TMEM150C: variants seen among roughly 807,000 people sequenced by gnomAD.
The protein encoded by TMEM150C is transmembrane protein 150C.
TMEM150C carries 10 observed loss-of-function variants against 29.9 expected under a neutral mutation model. The observed-to-expected ratio is 0.33, with a 90% CI of 0.21 to 0.57. The LOEUF (loss-of-function observed/expected upper bound fraction) is 0.57. TMEM150C is among the 20% of genes least tolerant of loss of function. TMEM150C has a pLI of 0.88. For missense variants in TMEM150C, 251 were observed against 303.6 expected (o/e 0.83, Z 1.29); for synonymous variants, 101 against 112.5 (o/e 0.90, Z 0.64).
At chr4:82,561,719 G>A (rs1221929957) in intron 1 of TMEM150C, among the ~76,000 whole-genome samples, 187 bp downstream of exon 1, 1 of 147,086 alleles carries the variant, frequency 6.8e-6, no homozygotes, top group East Asian at 2.0e-4. Flanking sequence ...GGGCGGCCCC[G>A]CGCCCGGGAC....
chr4:82,538,422 G>A (rs1162726067), intron 1 of TMEM150C, among the ~76,000 whole-genome samples: 1 of 152,166 alleles, frequency 6.6e-6, no homozygotes, highest in Non-Finnish European at 1.5e-5. Context: ...ACAGAGGAAG[G>A]AGTAAGTTAT....
intron 1 of TMEM150C, among the ~76,000 whole-genome samples, chr4:82,510,272 C>T (rs764645969): frequency 6.6e-6 from 1 of 152,016 alleles, no homozygotes; most frequent in East Asian, 1.9e-4. Flanking sequence ...GAGCAAGACT[C>T]TATCTCAAAA....
At chr4:82,527,244 A>C (rs1277075543) in intron 1 of TMEM150C, among the ~76,000 whole-genome samples, 1 of 152,046 alleles carries the variant, frequency 6.6e-6, no homozygotes, top group Non-Finnish European at 1.5e-5. Flanking sequence ...TGGAGGTGAA[A>C]GTGAAGCAGC....
chr4:82,561,640 G>GCTC (rs1725934240), intron 1 of TMEM150C, among the ~76,000 whole-genome samples: 1 of 147,972 alleles, frequency 6.8e-6, no homozygotes, highest in Non-Finnish European at 1.5e-5. Context: ...GGCGTTCGCA[G>GCTC]GTCGCGGGGC....
intron 1 of TMEM150C, among the ~76,000 whole-genome samples, chr4:82,547,478 A>G (rs186938539): frequency 6.6e-6 from 1 of 152,278 alleles, no homozygotes; most frequent in Non-Finnish European, 1.5e-5. Context: ...AGTCCCAGCT[A>G]CTTGGGAGAC....
intron 1 of TMEM150C, among the ~76,000 whole-genome samples, chr4:82,528,605 C>CTT (rs549464188): frequency 0.038 from 5,360 of 139,570 alleles, 408 homozygotes; most frequent in African/African-American, 0.13. Context: ...TTCCTCGTCC[C>CTT]TTTTTTTTTT....
chr4:82,489,963 A>T (rs1723279551), intron 7 of TMEM150C, 98 bp downstream of exon 7: 1 of 1,212,946 alleles, frequency 8.2e-7, no homozygotes, highest in South Asian at 1.5e-5. Flanking sequence ...TTCTGAGAAG[A>T]TCTGGCAGAA....
chr4:82,550,836 GCA>G (rs1350904549), intron 1 of TMEM150C, among the ~76,000 whole-genome samples: 2 of 151,988 alleles, frequency 1.3e-5, no homozygotes, highest in Admixed American at 1.3e-4. Flanking sequence ...CTGGCAGGAT[GCA>G]CAGTTATGTT....
At chr4:82,513,624 C>G (rs1246717579) in intron 1 of TMEM150C, among the ~76,000 whole-genome samples, 1 of 152,026 alleles carries the variant, frequency 6.6e-6, no homozygotes, top group Non-Finnish European at 1.5e-5. Flanking sequence ...TCTATTGAGC[C>G]TCTACCCGGA....
chr4:82,542,941 C>T (rs1290969039), intron 1 of TMEM150C, among the ~76,000 whole-genome samples: 1 of 152,186 alleles, frequency 6.6e-6, no homozygotes, highest in African/African-American at 2.4e-5. Context: ...ATACATATTA[C>T]CTTTATGTGA....
At chr4:82,498,292 G>A (rs1215884741) in intron 5 of TMEM150C, among the ~76,000 whole-genome samples, 1 of 151,264 alleles carries the variant, frequency 6.6e-6, no homozygotes, top group Non-Finnish European at 1.5e-5. Context: ...TGGGATTATA[G>A]GCATGAGCCT....
chr4:82,512,648 C>G (rs1232681434), intron 1 of TMEM150C, among the ~76,000 whole-genome samples: 2 of 152,148 alleles, frequency 1.3e-5, no homozygotes, highest in African/African-American at 4.8e-5. Context: ...CCAATTGTCA[C>G]ATGTCTAAAA....
At chr4:82,524,798 A>T (rs1724601195) in intron 1 of TMEM150C, among the ~76,000 whole-genome samples, 1 of 152,190 alleles carries the variant, frequency 6.6e-6, no homozygotes, top group Non-Finnish European at 1.5e-5. Context: ...GGCAAACATA[A>T]TCCCACCTGA....
At chr4:82,505,920 G>A (rs1723905477) in intron 1 of TMEM150C, among the ~76,000 whole-genome samples, 1 of 152,130 alleles carries the variant, frequency 6.6e-6, no homozygotes, top group Admixed American at 6.6e-5. Context: ...GACACTGGAT[G>A]CCAACATAAT....
intron 1 of TMEM150C, among the ~76,000 whole-genome samples, chr4:82,536,612 C>A (rs1352723807): frequency 6.6e-6 from 1 of 151,644 alleles, no homozygotes; most frequent in Non-Finnish European, 1.5e-5. Flanking sequence ...CATGATGGTG[C>A]ATGCCTGTAG....
At chr4:82,512,515 T>C (rs779123193) in intron 1 of TMEM150C, among the ~76,000 whole-genome samples, 2 of 152,188 alleles carry the variant, frequency 1.3e-5, no homozygotes, top group Non-Finnish European at 2.9e-5. Flanking sequence ...CAGCCTCCTT[T>C]GTAATAAGTG....
intron 7 of TMEM150C, 71 bp downstream of exon 7, chr4:82,489,990 G>A: frequency 6.9e-7 from 1 of 1,451,656 alleles, no homozygotes; most frequent in Non-Finnish European, 9.5e-7. Context: ...AACCCACTGG[G>A]TTCTTCTACA....
intron 1 of TMEM150C, among the ~76,000 whole-genome samples, chr4:82,559,015 T>TA (rs1193578436): frequency 6.6e-6 from 1 of 152,076 alleles, no homozygotes; most frequent in East Asian, 1.9e-4. Context: ...TCCCCACCCC[T>TA]AAAAATGTTC....
chr4:82,528,939 A>T (rs1274287517), intron 1 of TMEM150C, among the ~76,000 whole-genome samples: 1 of 152,116 alleles, frequency 6.6e-6, no homozygotes, highest in Non-Finnish European at 1.5e-5. Flanking sequence ...GATGTACAGA[A>T]GGCAGGAGAC....
Sources: allele counts gnomAD v4.1 joint callset (sites outside exome capture counted in the v4.1 genomes callset), GRCh38; gene constraint gnomAD v4.1.1; transcripts MANE v1.5; gene names NCBI Gene and HGNC (gene_info 2026-07-23, HGNC 2026-07-21).